Variants in CTSS observed in about 807,000 individuals in gnomAD.
The protein encoded by CTSS is cathepsin S.
CTSS carries 15 observed loss-of-function variants against 39.9 expected under a neutral mutation model. The observed-to-expected ratio is 0.38, with a 90% confidence interval of 0.25 to 0.58. CTSS has a LOEUF of 0.58. Ranked by LOEUF, CTSS falls within the 20% of genes least tolerant of loss-of-function variation. The pLI is 0.70. For missense variants in CTSS, 250 were observed against 398.2 expected, an observed-to-expected ratio of 0.63 and a Z score of 3.17; for synonymous variants, 126 against 138.2, an observed-to-expected ratio of 0.91 and a Z score of 0.62.
intron 6 of CTSS, among the ~76,000 whole-genome samples, chr1:150,748,699 G>A (rs1134067): frequency 6.6e-6 from 1 of 151,096 alleles, no homozygotes; most frequent in Non-Finnish European, 1.5e-5. Flanking sequence ...CTCCTGATTT[G>A]GCCTCCCAAA....
rs1177859622 is a variant in CTSS, at chr1:150,755,214, G to A, written c.250-64C>T. On this transcript the variant is annotated intron_variant, in intron 3 of 7. Transcript: ENST00000368985. ...TGGAATATGTTCTGAGAAATGCATCGTTAGGTGATTTTGTCATTGTGAAAA... is the reference window on the plus strand; with the variant it reads ...TGGAATATGTTCTGAGAAATGCATCATTAGGTGATTTTGTCATTGTGAAAA... 1.8e-5 allele frequency: 28 copies of A among 1,548,574 alleles called. No individual in the cohort carries two copies. In the Admixed American group the frequency reaches 2.1e-4, roughly 11 times the overall value.
intron 7 of CTSS, among the ~76,000 whole-genome samples, chr1:150,742,147 C>T (rs587732749): frequency 6.6e-6 from 1 of 151,906 alleles, no homozygotes; most frequent in African/African-American, 2.4e-5. Flanking sequence ...GTCCCATCTA[C>T]TCGGGAGGCT....
chr1:150,746,461 C>G (rs1652897245), intron 7 of CTSS, among the ~76,000 whole-genome samples: 1 of 152,114 alleles, frequency 6.6e-6, no homozygotes, highest in African/African-American at 2.4e-5. Context: ...ATATGAAGAC[C>G]AGACATAATC....
At chr1:150,764,527 C>T (rs1260693210) in intron 2 of CTSS, 111 bp downstream of exon 2, 5 of 1,448,156 alleles carry the variant, frequency 3.5e-6, no homozygotes, top group South Asian at 1.2e-5. Context: ...CGCGAGCCAC[C>T]ACACCCAGCT....
At position 150,755,148 on chromosome 1, in the gene CTSS, G is replaced by A; in HGVS notation, c.252C>T (p.Thr84=). 6.2e-7 allele frequency: 1 copy of A among 1,613,794 alleles called. No individual in the cohort carries two copies. Among genetic ancestry groups the A allele is most frequent in the Non-Finnish European group, 8.5e-7 (1 of 1,179,858 alleles). Residue 84 remains threonine (T), a splice_region_variant and synonymous_variant, in exon 4 of 8, where the codon ACC becomes ACT. Transcript: ENST00000368985. The part of the protein sequence containing the change: ...DLGMNHLGDM[T]SEEVMSLMSS... ...TCATCAAAGACATCACTTCTTCACT[G>A]GTCTACAAAGCAAATATACAGTCAG... is the stretch of plus-strand genomic sequence containing the variant.
In CTSS at chr1:150,747,847, C is replaced by T; in HGVS notation, c.826G>A (p.Val276Met). ...VYYEPSCTQN[V>M]NHGVLVVGYG... ...CCAACCACAAGTACACCATGATTCACATTCTGAGTACAGGATGGTTCATAG... is the reference window on the plus strand; with the variant it reads ...CCAACCACAAGTACACCATGATTCATATTCTGAGTACAGGATGGTTCATAG... Residue 276 changes from valine (V) to methionine (M), a missense_variant, in exon 7 of 8, where the codon GTG becomes ATG. Physicochemically the swap from Val to Met is conservative, Grantham distance 21. Coordinates refer to ENST00000368985, the MANE Select transcript of CTSS (RefSeq NM_004079.5). 6.2e-7 allele frequency: 1 copy of T among 1,613,784 alleles called. No homozygotes were observed. Among genetic ancestry groups the T allele is most frequent in the Non-Finnish European group, 8.5e-7 (1 of 1,179,752 alleles).
chr1:150,756,818 G>A (rs1345570591), intron 3 of CTSS, among the ~76,000 whole-genome samples: 1 of 149,790 alleles, frequency 6.7e-6, no homozygotes, highest in African/African-American at 2.5e-5. Flanking sequence ...CCGGGTTCAA[G>A]CAATTCTCTT....
intron 7 of CTSS, among the ~76,000 whole-genome samples, chr1:150,735,297 T>G (rs587760744): frequency 6.6e-6 from 1 of 152,334 alleles, no homozygotes; most frequent in African/African-American, 2.4e-5. Context: ...ATTCTATGTA[T>G]CAGCCCTCAT....
chr1:150,746,173 A>G (rs1192823440), intron 7 of CTSS, among the ~76,000 whole-genome samples: 1 of 152,152 alleles, frequency 6.6e-6, no homozygotes, highest in African/African-American at 2.4e-5. Context: ...CAGCGTGAGA[A>G]GGAAGTAACA....
At chr1:150,748,028 A>T in intron 6 of CTSS, 149 bp from the exon 7 acceptor site, 1 of 565,822 alleles carries the variant, frequency 1.8e-6, no homozygotes, top group Non-Finnish European at 3.1e-6. Flanking sequence ...ATGGTGGCTC[A>T]TGCCTGTAAT....
intron 7 of CTSS, among the ~76,000 whole-genome samples, chr1:150,740,125 C>T (rs1279266561): frequency 3.9e-5 from 6 of 152,098 alleles, no homozygotes; most frequent in Non-Finnish European, 8.8e-5. Flanking sequence ...AATGAAGATG[C>T]AAAAATGAAC....
Position 150,755,084 on chromosome 1 carries a change from T to C in CTSS, c.316A>G (p.Thr106Ala), listed in dbSNP as rs775972641. Residue 106 changes from threonine to alanine, a missense_variant, in exon 4 of 8, where the codon ACA (threonine) becomes GCA (alanine). Coordinates refer to ENST00000368985, the MANE Select transcript of CTSS (RefSeq NM_004079.5). ...ATCCGATTAGGGTTTGACTTATATG[T>C]GATATTTCTCTGCCACTGGCTGGGA... is the stretch of plus-strand genomic sequence containing the variant. ...RVPSQWQRNI[T>A]YKSNPNRILP... The C allele has an allele frequency of 1.9e-6, 3 of 1,614,206 alleles. No homozygotes were observed. The highest frequency in any genetic ancestry group is 2.5e-6 in the Non-Finnish European group (3 of 1,180,022).
At chr1:150,744,993 C>T (rs1652864065) in intron 7 of CTSS, among the ~76,000 whole-genome samples, 1 of 151,934 alleles carries the variant, frequency 6.6e-6, no homozygotes, top group Non-Finnish European at 1.5e-5. Context: ...GAAATAGTTT[C>T]ATTTTAAAAA....
intron 7 of CTSS, among the ~76,000 whole-genome samples, chr1:150,743,669 AT>A (rs1196480272): frequency 6.8e-5 from 6 of 88,176 alleles, no homozygotes. Context: ...TATACATAAT[AT>A]ATTATATATT....
intron 2 of CTSS, among the ~76,000 whole-genome samples, chr1:150,760,760 A>G (rs990662185): frequency 6.6e-6 from 1 of 151,714 alleles, no homozygotes; most frequent in African/African-American, 2.4e-5. Context: ...GCATGTGCCT[A>G]CAGTCCCAGT....
At chr1:150,750,935 C>G (rs1464786561) in intron 5 of CTSS, among the ~76,000 whole-genome samples, 1 of 152,156 alleles carries the variant, frequency 6.6e-6, no homozygotes, top group Non-Finnish European at 1.5e-5. Context: ...AGCCACCACA[C>G]TTGGCCAACT....
chr1:150,761,178 C>CAAA (rs33945837), intron 2 of CTSS, among the ~76,000 whole-genome samples: 1 of 102,512 alleles, frequency 9.8e-6, no homozygotes, highest in African/African-American at 3.6e-5. Flanking sequence ...GAATCCGCCT[C>CAAA]AAAAAAAAAA....
chr1:150,764,732 C>T lies in CTSS; in HGVS notation c.32G>A (p.Cys11Tyr), dbSNP rs1211548227. The T allele has an allele frequency of 6.2e-7, 1 of 1,613,984 alleles. No individual in the cohort carries two copies. Among genetic ancestry groups the T allele is most frequent in the Middle Eastern group, 1.6e-4 (1 of 6,062 alleles). The change falls in exon 2 of 8, where the codon TGC (cysteine) becomes TAC (tyrosine). Residue 11 changes from cysteine to tyrosine, a missense_variant. Transcript: ENST00000368985. The part of the protein sequence containing the change: MKRLVCVLLV[C>Y]SSAVAQLHKD... ...ATGCAACTGTGCCACTGCAGAGGAG[C>T]ACACCAAGAGCACACAAACCAGCCG...
Position 150,750,025 on chromosome 1 carries a change from A to G in CTSS, c.774T>C (p.Ser258=). Residue 258 remains serine (S), a synonymous_variant, in exon 6 of 8, where the codon TCT becomes TCC. Transcript: ENST00000368985. ...VSVGVDARHP[S]FFLYRSGVYY... ...TTTTACCACTTCTGTAGAGGAAGAA[A>G]GAAGGATGACGCGCATCTACACCAA... 1 of 1,607,838 alleles carries G rather than the reference A, an allele frequency of 6.2e-7. No homozygotes were observed. The highest frequency in any genetic ancestry group is 8.5e-7 in the Non-Finnish European group (1 of 1,176,658).
Sources: gnomAD v4.1 joint callset for allele counts (sites outside exome capture counted in the v4.1 genomes callset) on GRCh38, gnomAD v4.1.1 for gene constraint, MANE v1.5 for transcripts, NCBI Gene and HGNC (gene_info 2026-07-23, HGNC 2026-07-21) for gene names.